The following LRP2 variants were observed in gnomAD, a reference collection of about 807,000 sequenced individuals.
The protein encoded by LRP2 is low-density lipoprotein receptor-related protein 2.
LRP2 carries 172 observed loss-of-function variants against 531.0 expected under a neutral mutation model. The ratio of observed to expected loss-of-function variants is 0.32; its 90% CI spans 0.29 to 0.37. The LOEUF (loss-of-function observed/expected upper bound fraction) is 0.37, where lower values mean the gene tolerates loss of function less well. Ranked by LOEUF, LRP2 falls within the 10% of genes least tolerant of loss-of-function variation. The pLI, the probability that LRP2 is intolerant of heterozygous loss-of-function variation, is 1.00. For synonymous variants in LRP2, 1,992 were observed against 2,027.6 expected (o/e 0.98, Z 0.47); for missense variants, 5,167 against 5,868.3 (o/e 0.88, Z 3.90).
chr2:169,259,203 C>T lies in LRP2; in HGVS notation c.2335G>A (p.Ala779Thr), dbSNP rs759066438. ...TCAACATTTTCCACCCTGTTAGCTG[C>T]GAGAATTTCTCTTCCTATAAGTTAA... ...KIDGTGREIL[A>T]ANRVENVESL... The change falls in exon 17 of 79, where the codon GCA (alanine) becomes ACA (threonine). Residue 779 changes from alanine to threonine, a missense_variant. By Grantham distance (58) the Ala-to-Thr change is moderately conservative. This residue lies in a region of LRP2 where 2,811 missense variants were observed against 3,058.0 expected (regional missense o/e 0.92). Transcript: ENST00000649046. 153 of 1,612,522 alleles carry T rather than the reference C, an allele frequency of 9.5e-5. No individual in the cohort carries two copies. Among genetic ancestry groups the T allele is most frequent in the Middle Eastern group, 4.9e-4 (3 of 6,072 alleles).
intron 54 of LRP2, among the ~76,000 whole-genome samples, chr2:169,175,727 G>C (rs373541343): frequency 8.5e-5 from 13 of 152,180 alleles, no homozygotes; most frequent in African/African-American, 3.1e-4. Context: ...GTCTGCCAGG[G>C]TGATATAAAA....
intron 44 of LRP2, 108 bp from the exon 45 acceptor site, chr2:169,199,019 C>T (rs983031030): frequency 1.4e-5 from 17 of 1,179,514 alleles, no homozygotes; most frequent in Non-Finnish European, 1.7e-5. Flanking sequence ...ACTGGAAGGG[C>T]GGCATTTTCA....
intron 31 of LRP2, among the ~76,000 whole-genome samples, chr2:169,231,112 G>C (rs1689381222): frequency 6.6e-6 from 1 of 152,056 alleles, no homozygotes; most frequent in Non-Finnish European, 1.5e-5. Flanking sequence ...TGGGCAACAT[G>C]GCAAAACCCG....
rs1160812548 is a variant in LRP2 at position 169,220,464 on chromosome 2, G to T, written c.5638C>A (p.Pro1880Thr). Residue 1880 changes from proline to threonine, a missense_variant, in exon 34 of 79, where the codon CCT (proline) becomes ACT (threonine). By Grantham distance (38) the Pro-to-Thr change is conservative. Coordinates refer to ENST00000649046, the MANE Select transcript of LRP2 (RefSeq NM_004525.3). The part of the protein sequence containing the change: ...VGFPIGITVD[P>T]ARGKLYWSDQ... ...TTTATGAATACTCACCCACGAGCAG[G>T]ATCAACAGTTATGCCAATTGGAAAG... The T allele has an allele frequency of 6.2e-7, 1 of 1,612,810 alleles. No individual in the cohort carries two copies. The highest frequency in any genetic ancestry group is 8.5e-7 in the Non-Finnish European group (1 of 1,178,926).
Position 169,176,889 on chromosome 2 carries a change from T to C in LRP2, c.10394-301A>G, listed in dbSNP as rs927204694. The stretch of plus-strand genomic sequence containing the variant: ...GGGAAAGCAGGCAGTAAACTTAGCT[T>C]ATGTTCATTTGCCTAGACCTAGGTT... On this transcript the variant is annotated intron_variant, in intron 53 of 78. Coordinates refer to ENST00000649046, the MANE Select transcript of LRP2 (RefSeq NM_004525.3). 7.2e-5 allele frequency among the ~76,000 whole-genome samples: 11 copies of C among 152,326 alleles called. No individual in the cohort carries two copies. In the East Asian group the frequency reaches 2.1e-3, roughly 29 times the overall value.
intron 34 of LRP2, among the ~76,000 whole-genome samples, chr2:169,217,401 A>C (rs1688839947): frequency 6.6e-6 from 1 of 151,980 alleles, no homozygotes; most frequent in Non-Finnish European, 1.5e-5. Flanking sequence ...AAAACCTCTC[A>C]TTTCTTCCTT....
intron 47 of LRP2, among the ~76,000 whole-genome samples, chr2:169,193,063 C>T (rs909135952): frequency 1.3e-5 from 2 of 152,158 alleles, no homozygotes; most frequent in African/African-American, 2.4e-5. Context: ...ACACCCCTCC[C>T]TCCATGCCGC....
chr2:169,307,285 G>C lies in LRP2; in HGVS notation c.423C>G (p.Asp141Glu). Residue 141 changes from aspartate to glutamate, a missense_variant, in exon 4 of 79, where the codon GAC becomes GAG. Physicochemically the swap from Asp to Glu is conservative, Grantham distance 45. Transcript: ENST00000649046. ...RDCPDGADEN[D>E]CQYPTCEQLT... is the part of the protein sequence containing the mutation. The stretch of plus-strand genomic sequence containing the variant: ...CAAGGACTAAAACAGACTCACGGCA[G>C]TCATTCTCATCAGCTCCATCGGGGC... 1 of 1,607,916 alleles carries C rather than the reference G, an allele frequency of 6.2e-7. No homozygotes were observed. The highest frequency in any genetic ancestry group is 8.5e-7 in the Non-Finnish European group (1 of 1,174,286).
chr2:169,257,310 A>G (rs1016257443), intron 17 of LRP2, 61 bp from the exon 18 acceptor site: 5 of 1,563,104 alleles, frequency 3.2e-6, no homozygotes, highest in Non-Finnish European at 4.4e-6. Context: ...TGACTTCCAG[A>G]GATTTAGAAC....
At chr2:169,141,897 A>T (rs16856488) in intron 71 of LRP2, among the ~76,000 whole-genome samples, 2 of 152,142 alleles carry the variant, frequency 1.3e-5, no homozygotes, top group African/African-American at 4.8e-5. Flanking sequence ...TAAACCTGCC[A>T]ACTCCTCAGC....
At chr2:169,239,472 G>C in intron 26 of LRP2, 55 bp downstream of exon 26, 1 of 1,613,328 alleles carries the variant, frequency 6.2e-7, no homozygotes, top group Non-Finnish European at 8.5e-7. Flanking sequence ...TGTGCCATTT[G>C]ATTTTAAGCT....
At chr2:169,268,213 T>C (rs1446799543) in intron 16 of LRP2, among the ~76,000 whole-genome samples, 1 of 152,162 alleles carries the variant, frequency 6.6e-6, no homozygotes, top group Non-Finnish European at 1.5e-5. Context: ...TCTGAAACTA[T>C]TCCAATCAAA....
chr2:169,244,546 A>G (rs986399121), intron 22 of LRP2, 147 bp downstream of exon 22: 15 of 1,087,230 alleles, frequency 1.4e-5, no homozygotes, highest in Non-Finnish European at 2.1e-5. Context: ...CTTGTAACCT[A>G]TTGACACAGA....
At chr2:169,317,815 T>C (rs1241574995) in intron 3 of LRP2, among the ~76,000 whole-genome samples, 1 of 152,164 alleles carries the variant, frequency 6.6e-6, no homozygotes, top group Non-Finnish European at 1.5e-5. Flanking sequence ...GGGGGGGTCA[T>C]GCCTATAATC....
Position 169,205,518 on chromosome 2 carries a change from T to C in LRP2, c.7676A>G (p.Asp2559Gly). 1.2e-6 allele frequency: 2 copies of C among 1,614,138 alleles called. No individual in the cohort carries two copies. Among genetic ancestry groups the C allele is most frequent in the Non-Finnish European group, 1.7e-6 (2 of 1,180,004 alleles). Residue 2559 changes from aspartate (D) to glycine (G), a missense_variant, in exon 41 of 79, where the codon GAC becomes GGC. Asp to Gly is a moderately conservative substitution (Grantham distance 94). Around this residue, in one of 6 missense-constraint regions of LRP2, gnomAD observed 1,129 missense variants for 1,362.7 expected, o/e 0.83. Transcript: ENST00000649046. The part of the protein sequence containing the change: ...SLVMPSGLTL[D>G]YEEDLLYWVD... ...CCAGTAGAGAAGGTCCTCTTCATAG[T>C]CCAGAGTCAGCCCACTGGGCATGAC...
intron 4 of LRP2, among the ~76,000 whole-genome samples, chr2:169,306,275 TG>T (rs1684415726): frequency 6.6e-6 from 1 of 152,198 alleles, no homozygotes. Context: ...GGCTCATGCC[TG>T]TAATCCCAGC....
At chr2:169,203,800 T>C (rs867257822) in intron 42 of LRP2, among the ~76,000 whole-genome samples, 182 bp downstream of exon 42, 3 of 152,126 alleles carry the variant, frequency 2.0e-5, no homozygotes, top group Non-Finnish European at 4.4e-5. Context: ...GGGCTCCATA[T>C]AGATTAGAAA....
chr2:169,183,129 A>C (rs187819138), intron 50 of LRP2, among the ~76,000 whole-genome samples: 1 of 152,372 alleles, frequency 6.6e-6, no homozygotes, highest in East Asian at 1.9e-4. Context: ...AAGGTCATTT[A>C]GGATTTGATA....
At chr2:169,209,756 T>C in intron 37 of LRP2, 115 bp from the exon 38 acceptor site, 1 of 1,004,588 alleles carries the variant, frequency 1.0e-6, no homozygotes, top group Non-Finnish European at 1.5e-6. Context: ...CATCTCCCCA[T>C]TACAAAATGA....
Sources: gnomAD v4.1 joint callset for allele counts (sites outside exome capture counted in the v4.1 genomes callset) on GRCh38, gnomAD v4.1.1 for gene constraint, gnomAD v4.1.1 regional missense constraint, MANE v1.5 for transcripts, NCBI Gene and HGNC (gene_info 2026-07-23, HGNC 2026-07-21) for gene names.